IL1RL1: variants seen among roughly 807,000 people sequenced by gnomAD.
The protein encoded by IL1RL1 is interleukin 1 receptor like 1, also known as interleukin-1 receptor-like 1.
In IL1RL1, 32 loss-of-function variants were observed where a neutral mutation model predicts 50.9. That is an observed-to-expected ratio of 0.63 (90% CI 0.47 to 0.84). The LOEUF is 0.84. IL1RL1 is among the 40% of genes least tolerant of loss of function. The probability of loss-of-function intolerance (pLI) is 0.00; values close to 1 mark genes in which losing one functional copy is unlikely to be tolerated. For missense variants in IL1RL1, 773 were observed against 662.9 expected (o/e 1.17, Z -1.82); for synonymous variants, 275 against 236.0 (o/e 1.17, Z -1.51).
intron 5 of IL1RL1, chr2:102,341,285 T>C (rs1296980265): frequency 1.8e-5 from 23 of 1,258,980 alleles, no homozygotes; most frequent in Non-Finnish European, 2.4e-5. Context: ...TGGTATACTA[T>C]GGTGTACATA....
In IL1RL1 at chr2:102,344,791, C is replaced by A. The variant is rs977264652; in HGVS notation, c.970+1376C>A. On this transcript the variant is annotated intron_variant, in intron 8 of 10. Transcript: ENST00000233954. ...CTAGCTATAAGTCTTAATTATACAA[C>A]AAAATACTATTTTTATATTTATGTT... 1.5e-5 allele frequency: 14 copies of A among 926,076 alleles called. No individual in the cohort carries two copies. The African/African-American group carries it at 2.1e-4, about 14-fold the overall frequency. 57.4% of individuals were successfully genotyped at this position (926,076 alleles called of 1,614,324 possible). A position where few individuals can be genotyped will look rare whatever the true frequency, so the allele number is the denominator to read the frequency against.
chr2:102,340,869 G>T lies in IL1RL1; in HGVS notation c.610+41G>T. 2.0e-6 allele frequency: 3 copies of T among 1,481,190 alleles called. No individual in the cohort carries two copies. The East Asian group carries it at 7.6e-5, about 37-fold the overall frequency. 91.8% of individuals were successfully genotyped at this position (1,481,190 alleles called of 1,614,324 possible). On this transcript the variant is annotated intron_variant, in intron 5 of 10. Transcript: ENST00000233954. ...TAATGAGATAGAATACTACGTGAAA[G>T]AAGTCGAAGTGGGAACAGCGGTGCC...
chr2:102,334,465 G>A (rs999090810), intron 1 of IL1RL1, among the ~76,000 whole-genome samples: 2 of 152,090 alleles, frequency 1.3e-5, no homozygotes, highest in East Asian at 1.9e-4. Context: ...AGAGGCCCAG[G>A]CTAGGCCGTC....
At chr2:102,322,805 T>G (rs1676872407) in intron 1 of IL1RL1, among the ~76,000 whole-genome samples, 1 of 152,182 alleles carries the variant, frequency 6.6e-6, no homozygotes, top group African/African-American at 2.4e-5. Flanking sequence ...CTCACACCTT[T>G]CCAATCAAAT....
In IL1RL1 at chr2:102,343,287, C is replaced by A. The variant is rs768009306; in HGVS notation, c.842C>A (p.Ala281Asp). The change falls in exon 8 of 11, where the codon GCT (alanine) becomes GAT (aspartate). Residue 281 changes from alanine (A) to aspartate (D), a missense_variant. Physicochemically the swap from Ala to Asp is moderately radical, Grantham distance 126. Coordinates refer to ENST00000233954, the MANE Select transcript of IL1RL1 (RefSeq NM_016232.5). The stretch of plus-strand genomic sequence containing the variant: ...TTTCTTAGTTTCAGCAATGGGCTGG[C>A]TTGTCTAGACATGGTTTTAAGAATA... ...GQNQSFSNGL[A>D]CLDMVLRIAD... is the part of the protein sequence containing the mutation. The A allele has an allele frequency of 9.3e-6, 15 of 1,614,226 alleles. No homozygotes were observed. The highest frequency in any genetic ancestry group is 8.5e-6 in the Non-Finnish European group (10 of 1,180,038).
intron 6 of IL1RL1, 129 bp from the exon 7 acceptor site, chr2:102,342,907 A>C (rs1677625954): frequency 2.5e-6 from 2 of 802,260 alleles, no homozygotes; most frequent in African/African-American, 3.5e-5. Context: ...AAGGTGCTAG[A>C]GATGAGGGAG....
chr2:102,348,287 C>T (rs1274276175), intron 9 of IL1RL1, among the ~76,000 whole-genome samples, 196 bp downstream of exon 9: 1 of 152,144 alleles, frequency 6.6e-6, no homozygotes, highest in Non-Finnish European at 1.5e-5. Context: ...CCTCACGGTC[C>T]TGAGATCCAT....
intron 1 of IL1RL1, chr2:102,313,544 G>T (rs1573124141): frequency 6.6e-6 from 1 of 152,200 alleles, no homozygotes; most frequent in Admixed American, 6.5e-5. Flanking sequence ...TCGGATACCT[G>T]TTTTTCCTCT....
At chr2:102,329,168 C>G (rs1157707632) in intron 1 of IL1RL1, among the ~76,000 whole-genome samples, 1 of 152,062 alleles carries the variant, frequency 6.6e-6, no homozygotes, top group Non-Finnish European at 1.5e-5. Context: ...AGAACAGAGC[C>G]CTCAGAAATA....
chr2:102,332,845 CA>C (rs373004868), intron 1 of IL1RL1, among the ~76,000 whole-genome samples: 1 of 151,746 alleles, frequency 6.6e-6, no homozygotes, highest in East Asian at 1.9e-4. Context: ...AAATCAGAAG[CA>C]AAAAAAGAAC....
intron 1 of IL1RL1, among the ~76,000 whole-genome samples, chr2:102,336,276 T>A (rs962303088): frequency 6.6e-6 from 1 of 152,190 alleles, no homozygotes; most frequent in African/African-American, 2.4e-5. Context: ...AGTTGCTTAA[T>A]CTCTCTGTGC....
chr2:102,325,266 C>G (rs1676962592), intron 1 of IL1RL1, among the ~76,000 whole-genome samples: 1 of 152,170 alleles, frequency 6.6e-6, no homozygotes, highest in African/African-American at 2.4e-5. Flanking sequence ...CTCCAGCAAA[C>G]TCCAACAGAT....
At chr2:102,344,032 C>A in intron 8 of IL1RL1, 1 of 425,424 alleles carries the variant, frequency 2.4e-6, no homozygotes. Context: ...CACAGTTCTG[C>A]AGGCTGTATG....
intron 1 of IL1RL1, among the ~76,000 whole-genome samples, chr2:102,320,282 C>T (rs761379430): frequency 4.6e-5 from 7 of 152,136 alleles, no homozygotes; most frequent in Non-Finnish European, 8.8e-5. Context: ...GCCAGATGCT[C>T]ACCACCTCTG....
rs964161343 is a variant in IL1RL1 at position 102,349,311 on chromosome 2, C to T, written c.1285+65C>T. 2.1e-5 allele frequency: 28 copies of T among 1,347,004 alleles called. No homozygotes were observed. The Admixed American group carries it at 2.9e-4, about 14-fold the overall frequency. 83.4% of individuals were successfully genotyped at this position (1,347,004 alleles called of 1,614,324 possible). Reference sequence around the variant, plus strand: ...TTATTAAAGGCTGTGAACTAGGTGGCCTTATCCCTGCATTGGATAATGAAT... The same window carrying T: ...TTATTAAAGGCTGTGAACTAGGTGGTCTTATCCCTGCATTGGATAATGAAT... On this transcript the variant is annotated intron_variant, in intron 10 of 10. Transcript: ENST00000233954.
At chr2:102,345,844 G>T (rs1233549128) in intron 8 of IL1RL1, 3 of 985,434 alleles carry the variant, frequency 3.0e-6, no homozygotes, top group Non-Finnish European at 3.6e-6. Flanking sequence ...GCTTGGGGTG[G>T]TGGTGGGCCC....
intron 1 of IL1RL1, among the ~76,000 whole-genome samples, chr2:102,330,512 A>C (rs1440970581): frequency 6.6e-6 from 1 of 152,196 alleles, no homozygotes; most frequent in Non-Finnish European, 1.5e-5. Context: ...GTAGAATCTC[A>C]TTGTGATTTT....
chr2:102,324,029 C>A (rs1199015715), intron 1 of IL1RL1, among the ~76,000 whole-genome samples: 1 of 56,446 alleles, frequency 1.8e-5, no homozygotes, highest in Non-Finnish European at 4.6e-5. Flanking sequence ...TTTTTTTTTG[C>A]TGAGTAGTGT....
At chr2:102,346,186 T>C in intron 8 of IL1RL1, 1 of 318,624 alleles carries the variant, frequency 3.1e-6, no homozygotes, top group Non-Finnish European at 4.5e-6. Context: ...AAGGCCTATG[T>C]CTCCATTTTA....
Sources: gnomAD v4.1 joint callset for allele counts (sites outside exome capture counted in the v4.1 genomes callset) on GRCh38, gnomAD v4.1.1 for gene constraint, MANE v1.5 for transcripts, NCBI Gene and HGNC (gene_info 2026-07-23, HGNC 2026-07-21) for gene names.